TTC16: variants seen among roughly 807,000 people sequenced by gnomAD.
TTC16 encodes tetratricopeptide repeat protein 16.
A neutral mutation model predicts 80.4 loss-of-function variants in TTC16; 66 were observed. That is an observed-to-expected ratio of 0.82 (90% CI 0.67 to 1.01). The LOEUF is 1.01. Among genes scored for constraint, TTC16 ranks in the 50% least tolerant of loss-of-function variants. The pLI is 0.00. For synonymous variants in TTC16, 438 were observed against 451.3 expected, an observed-to-expected ratio of 0.97 and a Z score of 0.37; for missense variants, 1,070 against 1,103.2, an observed-to-expected ratio of 0.97 and a Z score of 0.43.
chr9:127,716,358 C>G, intron 1 of TTC16, 195 bp downstream of exon 1: 1 of 795,120 alleles, frequency 1.3e-6, no homozygotes, highest in Non-Finnish European at 2.0e-6. Flanking sequence ...ACAGAGGTCT[C>G]TGGCTTGGGT....
In TTC16 at chr9:127,725,082, T is replaced by G. The variant is rs1264501984; in HGVS notation, c.1259+185T>G. Among the ~76,000 whole-genome samples, 3 of 152,192 alleles carry G rather than the reference T, an allele frequency of 2.0e-5. No homozygotes were observed. In the East Asian group the frequency reaches 5.8e-4, roughly 29 times the overall value. On this transcript the variant is annotated intron_variant, in intron 9 of 13. Coordinates refer to ENST00000373289, the MANE Select transcript of TTC16 (RefSeq NM_144965.3). ...GAGTTTGAGACCAATCTGGCCAATA[T>G]GGTGAAACCCATCTCTATTAAAAAT...
At chr9:127,716,323 C>G (rs1843006222) in intron 1 of TTC16, 160 bp downstream of exon 1, 2 of 1,093,160 alleles carry the variant, frequency 1.8e-6, no homozygotes, top group African/African-American at 3.1e-5. Context: ...GTGAAAGATC[C>G]TTGTAAGGCT....
In TTC16 at chr9:127,724,609, G is replaced by A. The variant is rs536933603; in HGVS notation, c.1118-147G>A. On this transcript the variant is annotated intron_variant, in intron 8 of 13. Transcript: ENST00000373289. Reference sequence around the variant, plus strand: ...GGCAGCTGGGGAACAGTGCCCAGACGCCCAGAAAACTAGAGAGGACGGAGA... The same window carrying A: ...GGCAGCTGGGGAACAGTGCCCAGACACCCAGAAAACTAGAGAGGACGGAGA... 1.9e-5 allele frequency: 23 copies of A among 1,214,656 alleles called. No individual in the cohort carries two copies. The South Asian group carries it at 3.4e-4, about 18-fold the overall frequency. The allele number at this position is 1,214,656 out of a possible 1,614,324, so 75.2% of individuals were successfully genotyped here.
In TTC16 at chr9:127,722,243, C is replaced by G. The variant is rs73668590; in HGVS notation, c.658-876C>G. Among the ~76,000 whole-genome samples the G allele has an allele frequency of 2.6e-3, 389 of 152,308 alleles. 2 individuals are homozygous for G. The highest frequency in any genetic ancestry group is 8.8e-3 in the African/African-American group (367 of 41,558). On this transcript the variant is annotated intron_variant, in intron 6 of 13. Coordinates refer to ENST00000373289, the MANE Select transcript of TTC16 (RefSeq NM_144965.3). This position sits in a 1 kb window ranked among gnomAD's most constrained non-coding sequence, Gnocchi z 4.2. The stretch of plus-strand genomic sequence containing the variant: ...ATTTCCCTCCCTCCCTCCACCCACA[C>G]CTGCTGTCCACACCATCCCGTTCAC...
intron 13 of TTC16, chr9:127,730,202 C>T: frequency 4.3e-6 from 1 of 232,952 alleles, no homozygotes; most frequent in Non-Finnish European, 8.4e-6. Context: ...TAAGCTCCAA[C>T]AGGAAGAAGG....
chr9:127,725,579 A>C, intron 9 of TTC16, among the ~76,000 whole-genome samples: 1 of 151,264 alleles, frequency 6.6e-6, no homozygotes, highest in East Asian at 1.9e-4. Flanking sequence ...AAAAAAAAAA[A>C]AAAAAAAGCT....
At chr9:127,719,803 A>C (rs1432084310) in intron 4 of TTC16, among the ~76,000 whole-genome samples, 2 of 152,156 alleles carry the variant, frequency 1.3e-5, no homozygotes, top group African/African-American at 4.8e-5. Flanking sequence ...TGGCTCAGCT[A>C]TCTGAGTTTT....
rs115363266 is a variant in TTC16 at position 127,723,197 on chromosome 9, A to C, written c.736A>C (p.Lys246Gln). The C allele has an allele frequency of 5.3e-3, 8,531 of 1,612,794 alleles. 413 individuals carry two copies. The African/African-American group carries it at 0.1, about 19-fold the overall frequency. ...KHPQARMLLQ[K>Q]MVAQAQQARQ... ...CCCGCAGGCCAGGATGCTGCTCCAGAAGATGGTGGCCCAGGCCCAGCAGGC... is the reference window on the plus strand; with the variant it reads ...CCCGCAGGCCAGGATGCTGCTCCAGCAGATGGTGGCCCAGGCCCAGCAGGC... Residue 246 changes from lysine (K) to glutamine (Q), a missense_variant, in exon 7 of 14, where the codon AAG becomes CAG. Lys to Gln is a moderately conservative substitution (Grantham distance 53). Coordinates refer to ENST00000373289, the MANE Select transcript of TTC16 (RefSeq NM_144965.3).
intron 7 of TTC16, 42 bp from the exon 8 acceptor site, chr9:127,724,078 C>A: frequency 6.6e-7 from 1 of 1,509,718 alleles, no homozygotes; most frequent in South Asian, 1.3e-5. Flanking sequence ...GGTGCACTGG[C>A]GCTCATGTCC....
chr9:127,720,176 AT>A lies in TTC16; in HGVS notation c.526del (p.Cys176AlafsTer22). ...CTGAGAAACCATGCTTCCGTTACCG[AT>A]GGTGAGTGCCCCTGCCAGCCCCTTC... ...QPEKPCFRYRCMACLLALKQH... is the reference protein window; with the variant it reads ...QPEKPCFRYRXMACLLALKQH... On this transcript the variant is annotated frameshift_variant and splice_region_variant, in exon 5 of 14. Coordinates refer to ENST00000373289, the MANE Select transcript of TTC16 (RefSeq NM_144965.3). LOFTEE classifies it high-confidence loss of function. The A allele has an allele frequency of 1.2e-6, 2 of 1,613,634 alleles. No homozygotes were observed. Among genetic ancestry groups the A allele is most frequent in the Non-Finnish European group, 1.7e-6 (2 of 1,179,958 alleles).
In TTC16 at chr9:127,730,627, C is replaced by G. The variant is rs202096388; in HGVS notation, c.1853-9C>G. 171 of 1,610,056 alleles carry G rather than the reference C, an allele frequency of 1.1e-4. No individual in the cohort carries two copies. Among genetic ancestry groups the G allele is most frequent in the Non-Finnish European group, 1.4e-4 (166 of 1,178,974 alleles). On this transcript the variant is annotated splice_polypyrimidine_tract_variant and intron_variant, in intron 13 of 13. Coordinates refer to ENST00000373289, the MANE Select transcript of TTC16 (RefSeq NM_144965.3). ...GGCCTGATGGGTGCTTTTGGCACCC[C>G]CTTCCTAGTCAGGACCACAGGCACC... is the stretch of plus-strand genomic sequence containing the variant.
chr9:127,727,049 G>C lies in TTC16; in HGVS notation c.1505G>C (p.Arg502Thr), dbSNP rs1451281634. 2 of 1,612,444 alleles carry C rather than the reference G, an allele frequency of 1.2e-6. No homozygotes were observed. Among genetic ancestry groups the C allele is most frequent in the Admixed American group, 3.3e-5 (2 of 60,008 alleles). The change falls in exon 11 of 14, where the codon AGG (arginine) becomes ACG (threonine). Residue 502 changes from arginine to threonine, a missense_variant. By Grantham distance (71) the Arg-to-Thr change is moderately conservative. Coordinates refer to ENST00000373289, the MANE Select transcript of TTC16 (RefSeq NM_144965.3). ...AGCACCCAGATAGCCCACCTGGCCA[G>C]GCTGCAGCTGGAGCAGATGGTGGAG... Reference protein sequence around the residue: ...VLSTQIAHLARLQLEQMVEGS... With the variant: ...VLSTQIAHLATLQLEQMVEGS...
chr9:127,727,214 G>T, intron 11 of TTC16, 56 bp from the exon 12 acceptor site: 1 of 1,530,638 alleles, frequency 6.5e-7, no homozygotes, highest in South Asian at 1.3e-5. Flanking sequence ...CTAGTCCTTG[G>T]AGAGACCAGC....
rs767066468 is a variant in TTC16, at chr9:127,730,964, G to A, written c.2181G>A (p.Gln727=). Residue 727 remains glutamine (Q), a synonymous_variant, in exon 14 of 14, where the codon CAG becomes CAA. Coordinates refer to ENST00000373289, the MANE Select transcript of TTC16 (RefSeq NM_144965.3). The part of the protein sequence containing the change: ...RRNSSKTRAT[Q]GQGQSSSKTE... Reference sequence around the variant, plus strand: ...ACTCCAGCAAGACCAGGGCCACCCAGGGCCAGGGGCAGAGCTCCAGCAAGA... The same window carrying A: ...ACTCCAGCAAGACCAGGGCCACCCAAGGCCAGGGGCAGAGCTCCAGCAAGA... The A allele has an allele frequency of 3.7e-6, 6 of 1,613,506 alleles. No homozygotes were observed. In the South Asian group the frequency reaches 6.6e-5, roughly 18 times the overall value.
In TTC16 at chr9:127,731,427, T is replaced by C. The variant is rs1055575631; in HGVS notation, c.*22T>C. Reference sequence around the variant, plus strand: ...CTGAAGGGACCATCCAGACCCTCCCTTCTTGCTGGGGAGGGGACGAGTTCT... The same window carrying C: ...CTGAAGGGACCATCCAGACCCTCCCCTCTTGCTGGGGAGGGGACGAGTTCT... On this transcript the variant is annotated 3_prime_UTR_variant, in exon 14 of 14. Transcript: ENST00000373289. 2 of 1,587,500 alleles carry C rather than the reference T, an allele frequency of 1.3e-6. No homozygotes were observed. The highest frequency in any genetic ancestry group is 1.3e-5 in the African/African-American group (1 of 74,356).
intron 7 of TTC16, among the ~76,000 whole-genome samples, 163 bp downstream of exon 7, chr9:127,723,496 G>T (rs577945641): frequency 6.6e-6 from 1 of 152,362 alleles, no homozygotes; most frequent in South Asian, 2.1e-4. Flanking sequence ...TGCAGAGGTG[G>T]TCTCTGTTAC....
Position 127,716,507 on chromosome 9 carries a change from G to A in TTC16, c.19-337G>A, listed in dbSNP as rs1348964263. On this transcript the variant is annotated intron_variant, in intron 1 of 13. Coordinates refer to ENST00000373289, the MANE Select transcript of TTC16 (RefSeq NM_144965.3). ...AGGACCCCCAAGGCCTGAGACTTGG[G>A]ACCAGGCCTGAGCTGGAGACATCAA... 9.3e-6 allele frequency: 5 copies of A among 536,350 alleles called. No homozygotes were observed. The East Asian group carries it at 1.6e-4, about 17-fold the overall frequency. 33.2% of individuals were successfully genotyped at this position (536,350 alleles called of 1,614,324 possible).
At chr9:127,729,774 C>T in intron 13 of TTC16, 106 bp downstream of exon 13, 1 of 1,027,364 alleles carries the variant, frequency 9.7e-7, no homozygotes, top group South Asian at 1.3e-5. Context: ...GGCCCCGCTG[C>T]TGACAGCTGG....
Position 127,717,426 on chromosome 9 carries a change from T to C in TTC16, c.282+2T>C, listed in dbSNP as rs1373079982. ...GCACTCCACCTGGACCCACAGCTGG[T>C]GAGAGGCAGACCTGGGTGGGCACAG... On this transcript the variant is annotated splice_donor_variant, in intron 3 of 13. Transcript: ENST00000373289. LOFTEE classifies it high-confidence loss of function. The C allele has an allele frequency of 6.2e-7, 1 of 1,611,134 alleles. No individual in the cohort carries two copies. Among genetic ancestry groups the C allele is most frequent in the African/African-American group, 1.3e-5 (1 of 75,026 alleles).
Sources: allele counts gnomAD v4.1 joint callset (sites outside exome capture counted in the v4.1 genomes callset), GRCh38; gene constraint gnomAD v4.1.1; non-coding constraint Gnocchi (gnomAD v3.1); transcripts MANE v1.5; gene names NCBI Gene and HGNC (gene_info 2026-07-23, HGNC 2026-07-21).